FMO1: variants seen among roughly 807,000 people sequenced by gnomAD.
FMO1 encodes flavin containing dimethylaniline monoxygenase 1.
In FMO1, 36 loss-of-function variants were observed where a neutral mutation model predicts 45.4. The observed-to-expected ratio is 0.79, with a 90% CI of 0.61 to 1.05. The LOEUF is 1.05. FMO1 is among the 50% of genes least tolerant of loss of function. The probability of loss-of-function intolerance (pLI) is 0.00; values close to 1 mark genes in which losing one functional copy is unlikely to be tolerated. For missense variants in FMO1, 615 were observed against 640.3 expected, an observed-to-expected ratio of 0.96 and a Z score of 0.43; for synonymous variants, 228 against 227.2, an observed-to-expected ratio of 1.00 and a Z score of -0.03.
chr1:171,254,985 C>A (rs139024302), intron 1 of FMO1, among the ~76,000 whole-genome samples: 30 of 152,298 alleles, frequency 2.0e-4, no homozygotes, highest in African/African-American at 7.0e-4. Context: ...CTAGAGAAAG[C>A]GTCATGCCTT....
At chr1:171,250,748 A>C (rs1168738653) in intron 1 of FMO1, among the ~76,000 whole-genome samples, 1 of 152,166 alleles carries the variant, frequency 6.6e-6, no homozygotes, top group Non-Finnish European at 1.5e-5. Context: ...ACCCATTGGC[A>C]TCTACCTTCC....
At chr1:171,275,529 A>T in intron 4 of FMO1, 21 bp downstream of exon 4, 1 of 1,586,094 alleles carries the variant, frequency 6.3e-7, no homozygotes, top group Non-Finnish European at 8.6e-7. Flanking sequence ...TTCTGTAACT[A>T]ACTTTAAGTT....
At chr1:171,272,981 T>G (rs1486645429) in intron 3 of FMO1, among the ~76,000 whole-genome samples, 1 of 152,150 alleles carries the variant, frequency 6.6e-6, no homozygotes, top group Non-Finnish European at 1.5e-5. Flanking sequence ...TAGAGTAATA[T>G]GGTTTGTCTG....
intron 2 of FMO1, among the ~76,000 whole-genome samples, chr1:171,263,807 A>T (rs1660484051): frequency 6.6e-6 from 1 of 152,114 alleles, no homozygotes; most frequent in African/African-American, 2.4e-5. Flanking sequence ...GGGAGGGTGC[A>T]GTGTGGGTAT....
At chr1:171,283,911 G>C (rs1661503965) in intron 8 of FMO1, among the ~76,000 whole-genome samples, 2 of 152,162 alleles carry the variant, frequency 1.3e-5, no homozygotes, top group Middle Eastern at 3.4e-3. Context: ...TTTACTGTCT[G>C]GCCTTTTTCA....
In FMO1 at chr1:171,281,958, C is replaced by T. The variant is rs749740804; in HGVS notation, c.828-20C>T. On this transcript the variant is annotated intron_variant, in intron 6 of 8. Coordinates refer to ENST00000617670, the MANE Select transcript of FMO1 (RefSeq NM_001282693.2). ...AATTGTTCACTGACAAGTCTCCTCC[C>T]TGTTCATGTTTTTGTTTAGGACTCA... 9 of 1,476,486 alleles carry T rather than the reference C, an allele frequency of 6.1e-6. No homozygotes were observed. Among genetic ancestry groups the T allele is most frequent in the Non-Finnish European group, 8.4e-6 (9 of 1,076,632 alleles). The allele number at this position is 1,476,486 out of a possible 1,614,324, so 91.5% of individuals were successfully genotyped here.
At chr1:171,279,284 T>C (rs909335762) in intron 5 of FMO1, among the ~76,000 whole-genome samples, 2 of 152,144 alleles carry the variant, frequency 1.3e-5, no homozygotes, top group Admixed American at 6.5e-5. Context: ...GGATATTGCA[T>C]TGTCCTCCTA....
intron 7 of FMO1, chr1:171,282,892 C>G: frequency 2.5e-6 from 1 of 395,098 alleles, no homozygotes; most frequent in Non-Finnish European, 4.5e-6. Flanking sequence ...CAACATTCAG[C>G]CAAACTAGTT....
intron 4 of FMO1, among the ~76,000 whole-genome samples, chr1:171,277,673 C>T (rs1661164238): frequency 1.3e-5 from 2 of 152,164 alleles, no homozygotes; most frequent in African/African-American, 4.8e-5. Flanking sequence ...GGCTTTCCAC[C>T]TCTTTCTTCG....
intron 2 of FMO1, among the ~76,000 whole-genome samples, chr1:171,266,350 C>A (rs542970032): frequency 4.6e-5 from 7 of 152,286 alleles, no homozygotes; most frequent in African/African-American, 1.7e-4. Flanking sequence ...AGTAACAAAC[C>A]ATTCATATCA....
intron 3 of FMO1, chr1:171,271,182 A>C: frequency 1.2e-6 from 1 of 851,510 alleles, no homozygotes; most frequent in Non-Finnish European, 2.0e-6. Flanking sequence ...CTTCTGCAGC[A>C]GTGTTATTCC....
chr1:171,269,020 G>A (rs10912697), intron 3 of FMO1, among the ~76,000 whole-genome samples: 77,513 of 152,026 alleles, frequency 0.51, 22,721 homozygotes, highest in African/African-American at 0.82. Flanking sequence ...TGCCATGCAC[G>A]TAAGATGTGA....
intron 1 of FMO1, among the ~76,000 whole-genome samples, chr1:171,256,136 G>T (rs1214795283): frequency 6.6e-6 from 1 of 151,920 alleles, no homozygotes; most frequent in African/African-American, 2.4e-5. Context: ...AGCCAGGCAT[G>T]GTGGCGGGCG....
intron 2 of FMO1, among the ~76,000 whole-genome samples, chr1:171,263,110 A>G (rs1323262720): frequency 6.6e-6 from 1 of 152,128 alleles, no homozygotes; most frequent in Non-Finnish European, 1.5e-5. Flanking sequence ...CATTGCCTAC[A>G]CTCCTGCCTG....
Position 171,285,785 on chromosome 1 carries a change from G to C in FMO1, c.*241G>C, listed in dbSNP as rs1012327629. 1.5e-5 allele frequency: 5 copies of C among 339,560 alleles called. No homozygotes were observed. The highest frequency in any genetic ancestry group is 2.1e-5 in the Non-Finnish European group (4 of 190,162). 21.0% of individuals were successfully genotyped at this position (339,560 alleles called of 1,614,324 possible). A position where few individuals can be genotyped will look rare whatever the true frequency, so the allele number is the denominator to read the frequency against. On this transcript the variant is annotated 3_prime_UTR_variant, in exon 9 of 9. Coordinates refer to ENST00000617670, the MANE Select transcript of FMO1 (RefSeq NM_001282693.2). ...ATTTGAAGGTTGTTGGAAAGTTACA[G>C]GTTCATTTTAGAAAGAAAGCTGTTC...
chr1:171,273,991 T>C (rs1433610810), intron 3 of FMO1, among the ~76,000 whole-genome samples: 1 of 151,842 alleles, frequency 6.6e-6, no homozygotes, highest in Non-Finnish European at 1.5e-5. Flanking sequence ...CTACTAAAAA[T>C]ACAAAAAATT....
intron 1 of FMO1, 143 bp downstream of exon 1, chr1:171,248,766 C>G (rs1659743134): frequency 6.6e-6 from 1 of 151,932 alleles, no homozygotes; most frequent in Admixed American, 6.6e-5. Flanking sequence ...AGCTATAAAG[C>G]TACTCCTTGG....
chr1:171,278,626 A>T lies in FMO1; in HGVS notation c.485-103A>T, dbSNP rs375521082. Reference sequence around the variant, plus strand: ...AAACTTGAGAATACTAGTAAAAATGACCAAAATCATCTGTCAAAAGAATGT... The same window carrying T: ...AAACTTGAGAATACTAGTAAAAATGTCCAAAATCATCTGTCAAAAGAATGT... On this transcript the variant is annotated intron_variant, in intron 4 of 8. Coordinates refer to ENST00000617670, the MANE Select transcript of FMO1 (RefSeq NM_001282693.2). 110 of 904,272 alleles carry T rather than the reference A, an allele frequency of 1.2e-4. No homozygotes were observed. The East Asian group carries it at 2.7e-3, about 22-fold the overall frequency. The allele number at this position is 904,272 out of a possible 1,614,324, so 56.0% of individuals were successfully genotyped here. A position where few individuals can be genotyped will look rare whatever the true frequency, so the allele number is the denominator to read the frequency against.
At chr1:171,266,807 T>C (rs903608044) in intron 2 of FMO1, among the ~76,000 whole-genome samples, 1 of 152,204 alleles carries the variant, frequency 6.6e-6, no homozygotes. Context: ...TAATCCTCCA[T>C]ACTACTCCCC....
Sources: allele counts gnomAD v4.1 joint callset (sites outside exome capture counted in the v4.1 genomes callset), GRCh38; gene constraint gnomAD v4.1.1; transcripts MANE v1.5; gene names NCBI Gene and HGNC (gene_info 2026-07-23, HGNC 2026-07-21).